Variants in ADGRL2 observed in about 807,000 individuals in gnomAD.
ADGRL2 encodes the protein adhesion G protein-coupled receptor L2.
Under a neutral mutation model 157.4 loss-of-function variants are expected in ADGRL2, and 44 were observed. The ratio of observed to expected loss-of-function variants is 0.28; its 90% CI spans 0.22 to 0.36. The LOEUF is 0.36. Among genes scored for constraint, ADGRL2 ranks in the 10% least tolerant of loss-of-function variants. The pLI is 1.00. For missense variants in ADGRL2, 1,510 were observed against 1,768.9 expected, an observed-to-expected ratio of 0.85 and a Z score of 2.63; for synonymous variants, 585 against 624.7, an observed-to-expected ratio of 0.94 and a Z score of 0.95.
At chr1:81,984,352 A>G (rs1662526075) in intron 19 of ADGRL2, 1 of 370,216 alleles carries the variant, frequency 2.7e-6, no homozygotes, top group South Asian at 8.0e-5. Flanking sequence ...TCTACATGTT[A>G]TATCACATTT....
chr1:81,916,343 C>T (rs1475830474), intron 3 of ADGRL2, among the ~76,000 whole-genome samples: 1 of 152,024 alleles, frequency 6.6e-6, no homozygotes, highest in Admixed American at 6.6e-5. Flanking sequence ...TACAAGCATC[C>T]TTTTTAAAAA....
chr1:81,598,952 C>T (rs1353371056), intron 3 of ADGRL2, among the ~76,000 whole-genome samples: 2 of 152,206 alleles, frequency 1.3e-5, no homozygotes, highest in African/African-American at 4.8e-5. Context: ...TTAAAGATCT[C>T]ATCTAAATGC....
At chr1:81,865,726 G>A (rs568587890) in intron 2 of ADGRL2, among the ~76,000 whole-genome samples, 1 of 152,222 alleles carries the variant, frequency 6.6e-6, no homozygotes, top group African/African-American at 2.4e-5. Flanking sequence ...GGAGAGGGCT[G>A]ACATCACAAT....
intron 1 of ADGRL2, among the ~76,000 whole-genome samples, chr1:81,750,347 T>C (rs2085449514): frequency 6.6e-6 from 1 of 152,106 alleles, no homozygotes; most frequent in Non-Finnish European, 1.5e-5. Flanking sequence ...GGTAGGATGG[T>C]TGATCAAAAA....
intron 1 of ADGRL2, among the ~76,000 whole-genome samples, chr1:81,723,872 T>A (rs2084421315): frequency 1.3e-5 from 2 of 152,182 alleles, no homozygotes; most frequent in South Asian, 4.1e-4. Flanking sequence ...TTAGTTCTGT[T>A]CTTGTCCAGT....
In ADGRL2 at chr1:81,956,004, T is replaced by A. The variant is rs375944749; in HGVS notation, c.1961T>A (p.Val654Asp). 1 of 1,611,774 alleles carries A rather than the reference T, an allele frequency of 6.2e-7. No homozygotes were observed. Among genetic ancestry groups the A allele is most frequent in the Non-Finnish European group, 8.5e-7 (1 of 1,179,064 alleles). The change falls in exon 11 of 24, where the codon GTC (valine) becomes GAC (aspartate). Residue 654 changes from valine to aspartate, a missense_variant. This residue lies in a region of ADGRL2 where 325 missense variants were observed against 333.2 expected (regional missense o/e 0.98). Transcript: ENST00000686636. The part of the protein sequence containing the change: ...LLDTLEEGAF[V>D]LADNLLEPTR... ...GATACATTGGAAGAAGGAGCTTTTG[T>A]CCTAGCTGACAATCTTTTAGAACCA...
chr1:81,786,956 C>G (rs578022369), intron 2 of ADGRL2, among the ~76,000 whole-genome samples: 1 of 152,226 alleles, frequency 6.6e-6, no homozygotes, highest in Non-Finnish European at 1.5e-5. Context: ...GTGGGAGGGA[C>G]CCGGTAGGAG....
chr1:81,467,632 C>T (rs1362639491), intron 2 of ADGRL2, among the ~76,000 whole-genome samples: 3 of 152,054 alleles, frequency 2.0e-5, no homozygotes, highest in Non-Finnish European at 4.4e-5. Flanking sequence ...GTGAGATTTC[C>T]TGCCCATCCA....
rs2088004466 is a variant in ADGRL2 at position 81,801,061 on chromosome 1, T to C, written c.-108T>C. 6.6e-6 allele frequency among the ~76,000 whole-genome samples: 1 copy of C among 151,712 alleles called. No homozygotes were observed. The highest frequency in any genetic ancestry group is 6.6e-5 in the Admixed American group (1 of 15,252). Reference sequence around the variant, plus strand: ...CCACCGCCACCGCCGTCCGAAGGGCTCGAGCCCGTAAGTATCCCCTTTCGC... The same window carrying C: ...CCACCGCCACCGCCGTCCGAAGGGCCCGAGCCCGTAAGTATCCCCTTTCGC... On this transcript the variant is annotated 5_prime_UTR_variant, in exon 1 of 24. Coordinates refer to ENST00000686636, the MANE Select transcript of ADGRL2 (RefSeq NM_001366006.2).
intron 1 of ADGRL2, among the ~76,000 whole-genome samples, chr1:81,812,087 G>A (rs1309289286): frequency 6.6e-6 from 1 of 151,666 alleles, no homozygotes; most frequent in East Asian, 1.9e-4. Flanking sequence ...TTTTAATCAG[G>A]TAATTGGTAA....
chr1:81,756,688 T>A lies in ADGRL2; in HGVS notation c.-142-5123T>A, dbSNP rs189556830. Among the ~76,000 whole-genome samples the A allele has an allele frequency of 2.8e-3, 426 of 152,338 alleles. 3 individuals are homozygous for A. The highest frequency in any genetic ancestry group is 9.6e-3 in the African/African-American group (398 of 41,580). On this transcript the variant is annotated intron_variant, in intron 1 of 20. Transcript: ENST00000359929. The stretch of plus-strand genomic sequence containing the variant: ...AGAGATGTTGTATTTTGTTTCATGT[T>A]AATTTTCCCTCCTATAGGTAATTGT...
chr1:81,503,059 C>G (rs2078889965), intron 2 of ADGRL2: 1 of 1,609,814 alleles, frequency 6.2e-7, no homozygotes, highest in Non-Finnish European at 8.5e-7. Flanking sequence ...GGAGCAGCTG[C>G]GGGAGCGGCT....
chr1:81,877,336 C>T (rs2093867310), intron 2 of ADGRL2, among the ~76,000 whole-genome samples: 1 of 152,008 alleles, frequency 6.6e-6, no homozygotes, highest in African/African-American at 2.4e-5. Flanking sequence ...GGGCCACTTA[C>T]CCTTTCTGTG....
At chr1:81,502,288 C>G in intron 2 of ADGRL2, 1 of 1,613,922 alleles carries the variant, frequency 6.2e-7, no homozygotes, top group Non-Finnish European at 8.5e-7. Context: ...CTTCTGTCTC[C>G]ACAGCAGGAC....
chr1:81,821,531 C>G (rs2090987945), intron 1 of ADGRL2, among the ~76,000 whole-genome samples: 1 of 151,982 alleles, frequency 6.6e-6, no homozygotes, highest in South Asian at 2.1e-4. Flanking sequence ...GTATTAAGAT[C>G]TTATTAAAAT....
At position 81,461,863 on chromosome 1, in the gene ADGRL2, T is replaced by C. The variant is rs1056654890; in HGVS notation, c.-248+16774T>C. ...ATGAAACAAATTTAAAACCTGCCAG[T>C]AGGCAAGAATTCTTCTAAACAGAAA... On this transcript the variant is annotated intron_variant, in intron 2 of 24. Coordinates refer to the ADGRL2 transcript ENST00000370721. Among the ~76,000 whole-genome samples the C allele has an allele frequency of 3.8e-5, 5 of 132,244 alleles. No individual in the cohort carries two copies. The Admixed American group carries it at 4.3e-4, about 11-fold the overall frequency. The allele number at this position is 132,244 out of a possible 152,430, so 86.8% of individuals were successfully genotyped here.
rs867932735 is a variant in ADGRL2, at chr1:81,684,251, C to T, written c.-142-77560C>T. On this transcript the variant is annotated intron_variant, in intron 3 of 24. Coordinates refer to the ADGRL2 transcript ENST00000370721. ...CTGTACTAGTTTACATTCCCACCAGCAGTGTAGAAGTGTTCCCTGATCACC... is the reference window on the plus strand; with the variant it reads ...CTGTACTAGTTTACATTCCCACCAGTAGTGTAGAAGTGTTCCCTGATCACC... 4.6e-5 allele frequency among the ~76,000 whole-genome samples: 7 copies of T among 152,228 alleles called. No homozygotes were observed. In the South Asian group the frequency reaches 1.4e-3, roughly 32 times the overall value.
chr1:81,654,548 T>G (rs980507478), intron 3 of ADGRL2, among the ~76,000 whole-genome samples: 4 of 152,194 alleles, frequency 2.6e-5, no homozygotes, highest in Non-Finnish European at 5.9e-5. Context: ...TTTGTTGCAA[T>G]CCTACATATA....
At position 81,892,576 on chromosome 1, in the gene ADGRL2, T is replaced by A. The variant is rs528318953; in HGVS notation, c.74-14441T>A. The stretch of plus-strand genomic sequence containing the variant: ...ATTGACAAGAGGAGATTGTAGTCTA[T>A]TCACTGATTTTGTCCAAACCAGTTG... On this transcript the variant is annotated intron_variant, in intron 2 of 23. Transcript: ENST00000686636. Among the ~76,000 whole-genome samples, 4 of 152,150 alleles carry A rather than the reference T, an allele frequency of 2.6e-5. No homozygotes were observed. In the East Asian group the frequency reaches 7.7e-4, roughly 29 times the overall value.
Sources: allele counts gnomAD v4.1 joint callset (sites outside exome capture counted in the v4.1 genomes callset), GRCh38; gene constraint gnomAD v4.1.1; regional missense constraint gnomAD v4.1.1; transcripts MANE v1.5; gene names NCBI Gene and HGNC (gene_info 2026-07-23, HGNC 2026-07-21).